SHANK2: variants seen among roughly 807,000 people sequenced by gnomAD.
The protein encoded by SHANK2 is SH3 and multiple ankyrin repeat domains 2, also known as SH3 and multiple ankyrin repeat domains protein 2.
SHANK2 carries 43 observed loss-of-function variants against 133.7 expected under a neutral mutation model. That is an observed-to-expected ratio of 0.32 (90% CI 0.25 to 0.41). The LOEUF is 0.41. Among genes scored for constraint, SHANK2 ranks in the 10% least tolerant of loss-of-function variants. The pLI, the probability that SHANK2 is intolerant of heterozygous loss-of-function variation, is 1.00. For missense variants in SHANK2, 1,994 were observed against 2,235.8 expected, an observed-to-expected ratio of 0.89 and a Z score of 2.18; for synonymous variants, 1,017 against 952.8, an observed-to-expected ratio of 1.07 and a Z score of -1.24.
Position 70,500,603 on chromosome 11 carries a change from A to C in SHANK2, c.2288-13T>G. ...TTCCGGACCGAGGCTTGCAAACAGAAAGGGGACCGCCATGAGCCACCAGGA... is the reference window on the plus strand; with the variant it reads ...TTCCGGACCGAGGCTTGCAAACAGACAGGGGACCGCCATGAGCCACCAGGA... On this transcript the variant is annotated splice_polypyrimidine_tract_variant and intron_variant, in intron 20 of 25. Coordinates refer to ENST00000601538, the MANE Select transcript of SHANK2 (RefSeq NM_012309.5). The surrounding 1 kb of genome is among the most constrained non-coding windows in gnomAD (Gnocchi z 4.5). 6.2e-7 allele frequency: 1 copy of C among 1,600,652 alleles called. No individual in the cohort carries two copies. The highest frequency in any genetic ancestry group is 1.1e-5 in the South Asian group (1 of 88,488).
At chr11:70,617,095 G>C (rs1554996198) in intron 17 of SHANK2, among the ~76,000 whole-genome samples, 2 of 152,100 alleles carry the variant, frequency 1.3e-5, no homozygotes, top group African/African-American at 4.8e-5. Flanking sequence ...GTGTCTATGA[G>C]AGTGTGTATG....
intron 17 of SHANK2, among the ~76,000 whole-genome samples, chr11:70,531,575 T>C (rs1269206847): frequency 6.6e-6 from 1 of 152,184 alleles, no homozygotes; most frequent in Admixed American, 6.5e-5. Flanking sequence ...AGCAGGGCTG[T>C]GAGGACAAGT....
chr11:71,235,253 C>A (rs1555123550), intron 1 of SHANK2, among the ~76,000 whole-genome samples: 1 of 152,056 alleles, frequency 6.6e-6, no homozygotes, highest in African/African-American at 2.4e-5. Context: ...GAACTTCTGG[C>A]CCCACTAGCT....
intron 13 of SHANK2, among the ~76,000 whole-genome samples, chr11:70,805,017 T>G (rs1948129560): frequency 6.6e-6 from 1 of 152,194 alleles, no homozygotes; most frequent in Non-Finnish European, 1.5e-5. Flanking sequence ...TGGGAGCCTG[T>G]CTGCAGCTCT....
intron 10 of SHANK2, among the ~76,000 whole-genome samples, chr11:70,910,732 G>T (rs781883819): frequency 3.9e-5 from 6 of 152,058 alleles, no homozygotes; most frequent in Non-Finnish European, 7.4e-5. Flanking sequence ...ACTTGAACCC[G>T]GGAGGCAGAG....
chr11:70,942,478 G>C, intron 10 of SHANK2: 2 of 451,430 alleles, frequency 4.4e-6, no homozygotes, highest in South Asian at 3.2e-5. Flanking sequence ...CTATTCATGA[G>C]GGATCTGCCC....
chr11:70,599,565 G>A (rs2060449633), intron 17 of SHANK2, among the ~76,000 whole-genome samples: 1 of 107,966 alleles, frequency 9.3e-6, no homozygotes, highest in Admixed American at 1.1e-4. Flanking sequence ...CCGAGATTGC[G>A]CCACTGCACT....
At chr11:70,499,113 A>AT (rs1345558133) in intron 21 of SHANK2, among the ~76,000 whole-genome samples, 1 of 152,202 alleles carries the variant, frequency 6.6e-6, no homozygotes, top group Non-Finnish European at 1.5e-5. Flanking sequence ...GGCCTGGAGC[A>AT]TTTGCCGTGC....
At chr11:70,594,981 GGCCGGGAGCCGGGA>G (rs775375455) in intron 17 of SHANK2, among the ~76,000 whole-genome samples, 1 of 152,274 alleles carries the variant, frequency 6.6e-6, no homozygotes, top group African/African-American at 2.4e-5. Context: ...AGGGCTTCAG[GGCCGGGAGCCGGGA>G]GCCGGGTCTC....
intron 17 of SHANK2, among the ~76,000 whole-genome samples, chr11:70,645,703 G>A (rs1466702200): frequency 2.0e-5 from 3 of 152,082 alleles, no homozygotes; most frequent in Non-Finnish European, 4.4e-5. Flanking sequence ...TTCAGTGGCC[G>A]ACACCTCACA....
chr11:70,832,762 C>T (rs2135403431), intron 11 of SHANK2, among the ~76,000 whole-genome samples: 1 of 151,934 alleles, frequency 6.6e-6, no homozygotes, highest in South Asian at 2.1e-4. Context: ...CCAGTGGAGG[C>T]CCAGGGAGGC....
chr11:71,075,190 G>A lies in SHANK2; in HGVS notation c.998C>T (p.Thr333Met), dbSNP rs1372244017. The change falls in exon 9 of 26, where the codon ACG becomes ATG. Residue 333 changes from threonine to methionine, a missense_variant. Physicochemically the swap from Thr to Met is moderately conservative, Grantham distance 81. Around this residue, in one of 5 missense-constraint regions of SHANK2, gnomAD observed 653 missense variants for 563.4 expected, o/e 1.16. Transcript: ENST00000601538. ...GTAGAGGGCGCAGATGTGCAAGGCC[G>A]TGTTCCCCGAGGCATTCTGGGCACT... ...DMSAQNASGN[T>M]ALHICALYNQ... The A allele has an allele frequency of 2.0e-5, 5 of 249,364 alleles. No homozygotes were observed. Among genetic ancestry groups the A allele is most frequent in the East Asian group, 9.1e-5 (1 of 11,030 alleles). The allele number at this position is 249,364 out of a possible 1,614,324, so 15.4% of individuals were successfully genotyped here.
chr11:70,904,288 G>C (rs1950067047), intron 10 of SHANK2, among the ~76,000 whole-genome samples: 1 of 152,214 alleles, frequency 6.6e-6, no homozygotes, highest in African/African-American at 2.4e-5. Context: ...CAGGCAGGCT[G>C]GGGGCTGGTG....
rs115200233 is a variant in SHANK2 at position 71,233,125 on chromosome 11, G to A, written c.-112-8329C>T. ...CCATAAGTGTGAGGCCAGCCTGCAG[G>A]TACAGGAGACCCCATCTCTACCAAA... On this transcript the variant is annotated intron_variant, in intron 1 of 25. Coordinates refer to ENST00000601538, the MANE Select transcript of SHANK2 (RefSeq NM_012309.5). Among the ~76,000 whole-genome samples the A allele has an allele frequency of 3.4e-3, 510 of 150,416 alleles. 1 individual carries two copies. The highest frequency in any genetic ancestry group is 0.011 in the African/African-American group (459 of 40,684).
At chr11:70,929,058 A>G (rs1006205137) in intron 10 of SHANK2, among the ~76,000 whole-genome samples, 2 of 152,154 alleles carry the variant, frequency 1.3e-5, no homozygotes, top group Admixed American at 1.3e-4. Flanking sequence ...AAGAAGCAAC[A>G]CCACCCACAG....
chr11:70,853,631 G>A (rs1949125199), intron 11 of SHANK2, among the ~76,000 whole-genome samples: 1 of 152,198 alleles, frequency 6.6e-6, no homozygotes, highest in African/African-American at 2.4e-5. Context: ...CTCAGTAACG[G>A]GAGGGAGACA....
At chr11:70,505,969 C>T (rs1554968286) in intron 17 of SHANK2, among the ~76,000 whole-genome samples, 2 of 152,194 alleles carry the variant, frequency 1.3e-5, no homozygotes, top group African/African-American at 4.8e-5. Flanking sequence ...CCCTTGGCCG[C>T]TTTGGGAGAA....
intron 11 of SHANK2, among the ~76,000 whole-genome samples, chr11:70,850,638 C>G (rs1451597488): frequency 6.6e-6 from 1 of 152,216 alleles, no homozygotes; most frequent in Non-Finnish European, 1.5e-5. Context: ...GTAGTGGGGG[C>G]TTGGGCCTCG....
At chr11:70,543,165 T>C (rs974333718) in intron 17 of SHANK2, among the ~76,000 whole-genome samples, 7 of 152,180 alleles carry the variant, frequency 4.6e-5, no homozygotes, top group African/African-American at 1.7e-4. Context: ...GATGCTCTGT[T>C]AGAGAAAGGC....
Sources: gnomAD v4.1 joint callset for allele counts (sites outside exome capture counted in the v4.1 genomes callset) on GRCh38, gnomAD v4.1.1 for gene constraint, gnomAD v4.1.1 regional missense constraint, Gnocchi (gnomAD v3.1) non-coding constraint, MANE v1.5 for transcripts, NCBI Gene and HGNC (gene_info 2026-07-23, HGNC 2026-07-21) for gene names.